MGAT4C: variants seen among roughly 807,000 people sequenced by gnomAD.
MGAT4C encodes the protein alpha-1,3-mannosyl-glycoprotein 4-beta-N-acetylglucosaminyltransferase C.
In MGAT4C, 19 loss-of-function variants were observed where a neutral mutation model predicts 40.1. The observed-to-expected ratio is 0.47, with a 90% confidence interval of 0.33 to 0.70. The LOEUF (loss-of-function observed/expected upper bound fraction) is 0.70. Ranked by LOEUF, MGAT4C falls within the 30% of genes least tolerant of loss-of-function variation. The probability of loss-of-function intolerance (pLI) is 0.02; values close to 1 mark genes in which losing one functional copy is unlikely to be tolerated. For synonymous variants in MGAT4C, 181 were observed against 187.1 expected, an observed-to-expected ratio of 0.97 and a Z score of 0.27; for missense variants, 491 against 563.2, an observed-to-expected ratio of 0.87 and a Z score of 1.30.
At chr12:86,408,651 A>G (rs531452268) in intron 3 of MGAT4C, among the ~76,000 whole-genome samples, 1 of 151,480 alleles carries the variant, frequency 6.6e-6, no homozygotes, top group African/African-American at 2.4e-5. Context: ...CTATTGAAAG[A>G]TTTATAATAA....
chr12:86,441,917 C>A (rs562267914), intron 2 of MGAT4C, among the ~76,000 whole-genome samples: 3,370 of 152,190 alleles, frequency 0.022, 65 homozygotes, highest in African/African-American at 0.044. Flanking sequence ...GAGGAATTGC[C>A]ACACTGTCTT....
chr12:86,396,490 A>G (rs1956265724), intron 3 of MGAT4C, among the ~76,000 whole-genome samples: 2 of 152,332 alleles, frequency 1.3e-5, no homozygotes, highest in South Asian at 4.1e-4. Flanking sequence ...CCGCAGCAGG[A>G]AATTAATGCT....
At chr12:86,276,007 C>T (rs1953072140) in intron 4 of MGAT4C, among the ~76,000 whole-genome samples, 1 of 147,846 alleles carries the variant, frequency 6.8e-6, no homozygotes, top group Non-Finnish European at 1.5e-5. Context: ...CTTGTAGTCC[C>T]AGCTACAGGC....
intron 1 of MGAT4C, among the ~76,000 whole-genome samples, chr12:86,184,380 A>G (rs1265454475): frequency 4.6e-5 from 7 of 151,986 alleles, no homozygotes; most frequent in Non-Finnish European, 1.0e-4. Flanking sequence ...CGTTTAAAAA[A>G]AAAAAAAAGC....
chr12:86,774,893 C>T (rs181328178), intron 1 of MGAT4C, among the ~76,000 whole-genome samples: 4 of 152,178 alleles, frequency 2.6e-5, no homozygotes, highest in Non-Finnish European at 5.9e-5. Context: ...ACAAAGGCAA[C>T]CAATTCTTGC....
chr12:86,001,205 C>A (rs1887259385), intron 2 of MGAT4C, among the ~76,000 whole-genome samples: 1 of 152,008 alleles, frequency 6.6e-6, no homozygotes, highest in South Asian at 2.1e-4. Context: ...GCCAGTTTAG[C>A]AAAAAATTAT....
chr12:86,175,770 T>G (rs1162027154), intron 1 of MGAT4C, among the ~76,000 whole-genome samples: 7 of 114,674 alleles, frequency 6.1e-5, no homozygotes, highest in African/African-American at 2.1e-4. Flanking sequence ...GCTAACATGG[T>G]GAAACCCCGT....
chr12:86,327,075 T>C (rs905466739), intron 4 of MGAT4C, among the ~76,000 whole-genome samples: 2 of 152,130 alleles, frequency 1.3e-5, no homozygotes, highest in East Asian at 1.9e-4. Flanking sequence ...CTCAAGATAA[T>C]AGACATGTAA....
chr12:86,245,006 G>A (rs116867554), intron 1 of MGAT4C, among the ~76,000 whole-genome samples: 1 of 152,168 alleles, frequency 6.6e-6, no homozygotes, highest in Admixed American at 6.5e-5. Flanking sequence ...GGGGCACAGA[G>A]AAGTTAAATT....
chr12:86,794,826 A>G (rs912400190), intron 1 of MGAT4C, among the ~76,000 whole-genome samples: 2 of 151,856 alleles, frequency 1.3e-5, no homozygotes, highest in South Asian at 4.1e-4. Flanking sequence ...ATAATAAAAT[A>G]TGACTCAGAT....
At chr12:86,685,234 A>G (rs1160700850) in intron 2 of MGAT4C, among the ~76,000 whole-genome samples, 1 of 152,198 alleles carries the variant, frequency 6.6e-6, no homozygotes, top group Non-Finnish European at 1.5e-5. Flanking sequence ...GAAGGGGTCC[A>G]GGTTCAGATT....
At chr12:86,628,292 G>A (rs1962889933) in intron 2 of MGAT4C, among the ~76,000 whole-genome samples, 1 of 152,282 alleles carries the variant, frequency 6.6e-6, no homozygotes, top group South Asian at 2.1e-4. Context: ...GAAAGTGACG[G>A]GGAGAATGGA....
In MGAT4C at chr12:86,449,375, C is replaced by T. The variant is rs1161175909; in HGVS notation, c.-228-14110G>A. 2.6e-5 allele frequency among the ~76,000 whole-genome samples: 4 copies of T among 152,190 alleles called. No homozygotes were observed. The East Asian group carries it at 7.7e-4, about 29-fold the overall frequency. On this transcript the variant is annotated intron_variant, in intron 2 of 7. Coordinates refer to the MGAT4C transcript ENST00000548651. ...CTCTGCAATTTACTAAAGGTATGCT[C>T]CTCTATGATTTCAGATTTACCTAAT...
intron 1 of MGAT4C, among the ~76,000 whole-genome samples, chr12:86,102,226 AAC>A (rs953134084): frequency 1.6e-4 from 24 of 151,986 alleles, no homozygotes; most frequent in Non-Finnish European, 7.4e-5. Context: ...AAATGGAATG[AAC>A]ACTTTTTTTT....
intron 2 of MGAT4C, among the ~76,000 whole-genome samples, chr12:86,681,419 C>G (rs1261607393): frequency 6.6e-6 from 1 of 151,802 alleles, no homozygotes; most frequent in African/African-American, 2.4e-5. Flanking sequence ...TGAAAGCTTA[C>G]CTACATTGTT....
chr12:86,500,211 A>G (rs1958315337), intron 2 of MGAT4C, among the ~76,000 whole-genome samples: 1 of 151,812 alleles, frequency 6.6e-6, no homozygotes, highest in Admixed American at 6.6e-5. Context: ...GTGTATTTAT[A>G]CACACACACA....
chr12:86,222,516 C>A (rs1164997396), intron 1 of MGAT4C, among the ~76,000 whole-genome samples: 6 of 152,148 alleles, frequency 3.9e-5, no homozygotes, highest in Admixed American at 1.3e-4. Context: ...CTAAATTATA[C>A]CTTTATATTT....
In MGAT4C at chr12:86,401,157, A is replaced by AT. The variant is rs571663505; in HGVS notation, c.-120+33999dup. On this transcript the variant is annotated intron_variant, in intron 3 of 7. Coordinates refer to the MGAT4C transcript ENST00000548651. ...AACTTAAATATTTTTGAACTCATGG[A>AT]TTTTTTTTTATTTTTGGGTGTAAAA... is the stretch of plus-strand genomic sequence containing the variant. Among the ~76,000 whole-genome samples, 89 of 151,182 alleles carry AT rather than the reference A, an allele frequency of 5.9e-4. 1 individual carries two copies. The highest frequency in any genetic ancestry group is 3.5e-3 in the Admixed American group (53 of 15,136).
intron 2 of MGAT4C, among the ~76,000 whole-genome samples, chr12:86,603,537 TATAGACTATAGATA>T (rs1293574651): frequency 4.1e-5 from 1 of 24,532 alleles, no homozygotes; most frequent in Non-Finnish European, 1.2e-4. Context: ...ATATATAGTC[TATAGACTATAGATA>T]ATATATAGTC....
Sources: allele counts gnomAD v4.1 joint callset (sites outside exome capture counted in the v4.1 genomes callset), GRCh38; gene constraint gnomAD v4.1.1; transcripts MANE v1.5; gene names NCBI Gene and HGNC (gene_info 2026-07-23, HGNC 2026-07-21).